Variants in SLC25A37 observed in about 807,000 individuals in gnomAD.
SLC25A37 encodes the protein solute carrier family 25 member 37.
In SLC25A37, 17 loss-of-function variants were observed where a neutral mutation model predicts 31.0. That is an observed-to-expected ratio of 0.55 (90% confidence interval 0.38 to 0.82). The LOEUF (loss-of-function observed/expected upper bound fraction) is 0.82, where lower values mean the gene tolerates loss of function less well. Ranked by LOEUF, SLC25A37 falls within the 40% of genes least tolerant of loss-of-function variation. SLC25A37 has a pLI of 0.00. For synonymous variants in SLC25A37, 222 were observed against 193.0 expected (o/e 1.15, Z -1.24); for missense variants, 404 against 465.8 (o/e 0.87, Z 1.22).
At chr8:23,531,525 C>T (rs150976903) in intron 1 of SLC25A37, among the ~76,000 whole-genome samples, 116 of 152,326 alleles carry the variant, frequency 7.6e-4, no homozygotes, top group African/African-American at 2.7e-3. Flanking sequence ...TTTTATGTTA[C>T]TTGAAATATC....
intron 1 of SLC25A37, among the ~76,000 whole-genome samples, chr8:23,553,052 A>G (rs947554796): frequency 6.6e-6 from 1 of 151,284 alleles, no homozygotes; most frequent in African/African-American, 2.4e-5. Context: ...CGGTGCTTTG[A>G]TGTGGACTCT....
chr8:23,536,868 T>C (rs1801779382), intron 1 of SLC25A37, among the ~76,000 whole-genome samples: 2 of 152,146 alleles, frequency 1.3e-5, no homozygotes, highest in South Asian at 4.1e-4. Flanking sequence ...CCTGGATGTC[T>C]CCTCTTCCTT....
At position 23,571,643 on chromosome 8, in the gene SLC25A37, G is replaced by A. The variant is rs527624745; in HGVS notation, c.805G>A (p.Ala269Thr). The change falls in exon 4 of 4, where the codon GCC becomes ACC. Residue 269 changes from alanine (A) to threonine (T), a missense_variant. Ala to Thr is a moderately conservative substitution (Grantham distance 58). Transcript: ENST00000519973. ...CCTTCTGAACACTCAGGAGAACGTG[G>A]CCCTCTCGCTGGCCAACATCAGCGG... ...KTLLNTQENVALSLANISGRL... is the reference protein window; with the variant it reads ...KTLLNTQENVTLSLANISGRL... 6.2e-6 allele frequency: 10 copies of A among 1,613,888 alleles called. No individual in the cohort carries two copies. The African/African-American group carries it at 8.0e-5, about 13-fold the overall frequency.
At chr8:23,534,384 G>A (rs554155343) in intron 1 of SLC25A37, among the ~76,000 whole-genome samples, 3 of 152,178 alleles carry the variant, frequency 2.0e-5, no homozygotes, top group Non-Finnish European at 4.4e-5. Flanking sequence ...CTTACTGGTT[G>A]GGCAGGACAC....
At chr8:23,566,616 AT>A (rs34669688) in intron 2 of SLC25A37, 781,656 of 1,107,674 alleles carry the variant, frequency 0.71, 281,570 homozygotes, top group Non-Finnish European at 0.74. Context: ...TTTCTTTTGT[AT>A]TTTTTTTTGT....
chr8:23,566,062 T>A, intron 1 of SLC25A37, 46 bp from the exon 2 acceptor site: 1 of 1,532,574 alleles, frequency 6.5e-7, no homozygotes, highest in Non-Finnish European at 8.7e-7. Context: ...TTTACCATCC[T>A]GATTAACTCT....
intron 1 of SLC25A37, among the ~76,000 whole-genome samples, chr8:23,553,775 G>A (rs1261129438): frequency 2.0e-5 from 3 of 152,196 alleles, no homozygotes; most frequent in Non-Finnish European, 4.4e-5. Context: ...GATGACCAGG[G>A]TTGTGGAACA....
chr8:23,530,148 TA>T (rs2117375413), intron 1 of SLC25A37, among the ~76,000 whole-genome samples: 1 of 152,326 alleles, frequency 6.6e-6, no homozygotes, highest in East Asian at 1.9e-4. Flanking sequence ...GTTGCACTTT[TA>T]TAGGCATAAC....
intron 1 of SLC25A37, among the ~76,000 whole-genome samples, chr8:23,533,860 C>G (rs544278407): frequency 6.6e-6 from 1 of 152,226 alleles, no homozygotes; most frequent in African/African-American, 2.4e-5. Context: ...CTTTGCCACT[C>G]CCATGCCCAC....
At chr8:23,532,944 C>T (rs550572455) in intron 1 of SLC25A37, among the ~76,000 whole-genome samples, 1 of 152,356 alleles carries the variant, frequency 6.6e-6, no homozygotes, top group South Asian at 2.1e-4. Context: ...TGCCATTCAG[C>T]TTCAGAAGGG....
rs1801606300 is a variant in SLC25A37 at position 23,529,094 on chromosome 8, C to G, written c.92C>G (p.Thr31Ser). 6.2e-7 allele frequency: 1 copy of G among 1,606,306 alleles called. No homozygotes were observed. Among genetic ancestry groups the G allele is most frequent in the African/African-American group, 1.3e-5 (1 of 74,508 alleles). ...SRDGGGGKDA[T>S]GSEDYENLPT... ...GATGGCGGCGGCGGCAAGGACGCCA[C>G]CGGGTCGGAGGACTACGAGAACCTG... is the stretch of plus-strand genomic sequence containing the variant. The change falls in exon 1 of 4, where the codon ACC (threonine) becomes AGC (serine). Residue 31 changes from threonine (T) to serine (S), a missense_variant. This residue lies in a region of SLC25A37 where 154 missense variants were observed against 153.6 expected (regional missense o/e 1.00). Coordinates refer to ENST00000519973, the MANE Select transcript of SLC25A37 (RefSeq NM_016612.4). This position sits in a 1 kb window ranked among gnomAD's most constrained non-coding sequence, Gnocchi z 4.1.
intron 1 of SLC25A37, among the ~76,000 whole-genome samples, chr8:23,553,492 G>C (rs1802283128): frequency 6.6e-6 from 1 of 152,188 alleles, no homozygotes; most frequent in Non-Finnish European, 1.5e-5. Flanking sequence ...CCTTACTTAT[G>C]AGTGGGATGT....
In SLC25A37 at chr8:23,546,553, A is replaced by AGT. The variant is rs1563256071; in HGVS notation, c.210+17344_210+17345dup. ...GGTGTATATATATATATATATATAT[A>AGT]GTGTATATATATATATATATATATA... On this transcript the variant is annotated intron_variant, in intron 1 of 3. Coordinates refer to ENST00000519973, the MANE Select transcript of SLC25A37 (RefSeq NM_016612.4). 1.8e-4 allele frequency among the ~76,000 whole-genome samples: 3 copies of AGT among 17,102 alleles called. 1 individual carries two copies. Among genetic ancestry groups the AGT allele is most frequent in the Admixed American group, 1.7e-3 (3 of 1,808 alleles). 11.2% of individuals were successfully genotyped at this position (17,102 alleles called of 152,430 possible).
chr8:23,537,257 G>A (rs1801789250), intron 1 of SLC25A37, among the ~76,000 whole-genome samples: 1 of 150,580 alleles, frequency 6.6e-6, no homozygotes, highest in South Asian at 2.1e-4. Context: ...ATTGCCCATT[G>A]CTGCTTTGTT....
intron 1 of SLC25A37, among the ~76,000 whole-genome samples, chr8:23,559,290 C>G (rs1375166687): frequency 6.6e-6 from 1 of 152,248 alleles, no homozygotes; most frequent in Admixed American, 6.5e-5. Context: ...TGGGCAGGAA[C>G]TGAAACCTGG....
chr8:23,566,920 C>T (rs1365219643), intron 2 of SLC25A37: 1 of 735,902 alleles, frequency 1.4e-6, no homozygotes, highest in East Asian at 1.3e-4. Flanking sequence ...TTCTGTTTGT[C>T]TGAGTCTCAT....
At chr8:23,552,891 C>T (rs138766872) in intron 1 of SLC25A37, among the ~76,000 whole-genome samples, 162 of 152,244 alleles carry the variant, frequency 1.1e-3, no homozygotes, top group African/African-American at 3.6e-3. Flanking sequence ...AAAGAAAGCT[C>T]ACAGGGAGCC....
Position 23,574,154 on chromosome 8 carries a change from T to TC in SLC25A37, c.*2299_*2300insC. 1 of 297,816 alleles carries TC rather than the reference T, an allele frequency of 3.4e-6. No individual in the cohort carries two copies. Among genetic ancestry groups the TC allele is most frequent in the Non-Finnish European group, 6.8e-6 (1 of 148,086 alleles). 18.4% of individuals were successfully genotyped at this position (297,816 alleles called of 1,614,324 possible). A position where few individuals can be genotyped will look rare whatever the true frequency, so the allele number is the denominator to read the frequency against. On this transcript the variant is annotated 3_prime_UTR_variant, in exon 4 of 4. Transcript: ENST00000519973. ...GATTTCTCTAGGAGCACTCCTTTGGTTAGAGGGATGCAAGAAGGAGAGGTG... is the reference window on the plus strand; with the variant it reads ...GATTTCTCTAGGAGCACTCCTTTGGTCTAGAGGGATGCAAGAAGGAGAGGTG...
intron 1 of SLC25A37, among the ~76,000 whole-genome samples, chr8:23,538,169 T>C (rs946923341): frequency 6.6e-6 from 1 of 150,964 alleles, no homozygotes; most frequent in African/African-American, 2.4e-5. Context: ...TCACCTGAGG[T>C]CAGGAGTTTG....
Sources: gnomAD v4.1 joint callset for allele counts (sites outside exome capture counted in the v4.1 genomes callset) on GRCh38, gnomAD v4.1.1 for gene constraint, gnomAD v4.1.1 regional missense constraint, Gnocchi (gnomAD v3.1) non-coding constraint, MANE v1.5 for transcripts, NCBI Gene and HGNC (gene_info 2026-07-23, HGNC 2026-07-21) for gene names.